FBXL17: variants seen among roughly 807,000 people sequenced by gnomAD.
The protein encoded by FBXL17 is F-box/LRR-repeat protein 17.
In FBXL17, 22 loss-of-function variants were observed where a neutral mutation model predicts 66.2. The ratio of observed to expected loss-of-function variants is 0.33; its 90% CI spans 0.24 to 0.47. The LOEUF is 0.47. Among genes scored for constraint, FBXL17 ranks in the 20% least tolerant of loss-of-function variants. The pLI, the probability that FBXL17 is intolerant of heterozygous loss-of-function variation, is 1.00. For synonymous variants in FBXL17, 474 were observed against 400.5 expected (o/e 1.18, Z -2.19); for missense variants, 878 against 948.2 (o/e 0.93, Z 0.97).
At chr5:108,012,669 T>C (rs1398611293) in intron 7 of FBXL17, among the ~76,000 whole-genome samples, 1 of 152,200 alleles carries the variant, frequency 6.6e-6, no homozygotes, top group Non-Finnish European at 1.5e-5. Flanking sequence ...ACAAATTATG[T>C]AAACCTGAAG....
rs146851576 is a variant in FBXL17 at position 108,152,554 on chromosome 5, G to C, written c.1745+33563C>G. Among the ~76,000 whole-genome samples, 412 of 152,278 alleles carry C rather than the reference G, an allele frequency of 2.7e-3. 2 individuals are homozygous for C. The highest frequency in any genetic ancestry group is 9.3e-3 in the African/African-American group (387 of 41,546). ...GCAGGATACTGGATTTAAGGATTCA[G>C]TCTGTCAGCTGATACAGCATGAAGA... is the stretch of plus-strand genomic sequence containing the variant. On this transcript the variant is annotated intron_variant, in intron 6 of 8. Coordinates refer to ENST00000542267, the MANE Select transcript of FBXL17 (RefSeq NM_001163315.3).
At chr5:107,923,516 G>C (rs1470583225) in intron 7 of FBXL17, among the ~76,000 whole-genome samples, 1 of 152,192 alleles carries the variant, frequency 6.6e-6, no homozygotes, top group Non-Finnish European at 1.5e-5. Flanking sequence ...CAATGGCCAA[G>C]AGCATCTTCT....
intron 4 of FBXL17, among the ~76,000 whole-genome samples, chr5:108,294,661 C>G (rs1237920730): frequency 1.3e-5 from 2 of 152,106 alleles, no homozygotes; most frequent in African/African-American, 4.8e-5. Context: ...CATATTCTTC[C>G]TCCATAAACC....
intron 5 of FBXL17, among the ~76,000 whole-genome samples, chr5:108,192,798 A>G (rs1437114041): frequency 6.6e-6 from 1 of 152,166 alleles, no homozygotes; most frequent in Non-Finnish European, 1.5e-5. Flanking sequence ...GCAAGAAAAG[A>G]AAGAAAGAAA....
intron 6 of FBXL17, among the ~76,000 whole-genome samples, chr5:108,036,388 A>G (rs1388522984): frequency 6.6e-6 from 1 of 152,210 alleles, no homozygotes; most frequent in Non-Finnish European, 1.5e-5. Flanking sequence ...AAACTTCTGA[A>G]TATGGATACC....
chr5:108,326,641 T>C (rs1759870181), intron 4 of FBXL17, among the ~76,000 whole-genome samples: 1 of 151,516 alleles, frequency 6.6e-6, no homozygotes, highest in South Asian at 2.1e-4. Flanking sequence ...GAAAAGACAC[T>C]TTACAAAAGA....
chr5:108,034,097 T>A (rs867807543), intron 6 of FBXL17, among the ~76,000 whole-genome samples: 1 of 152,174 alleles, frequency 6.6e-6, no homozygotes, highest in East Asian at 1.9e-4. Context: ...ATCTTCATGG[T>A]TAATTCTATT....
At chr5:108,256,591 A>G (rs1756586547) in intron 4 of FBXL17, among the ~76,000 whole-genome samples, 1 of 152,006 alleles carries the variant, frequency 6.6e-6, no homozygotes, top group South Asian at 2.1e-4. Flanking sequence ...CTTGATTTCA[A>G]GTTTTAGGCA....
intron 7 of FBXL17, among the ~76,000 whole-genome samples, chr5:107,972,426 C>T (rs1457819947): frequency 6.6e-6 from 1 of 152,142 alleles, no homozygotes; most frequent in Non-Finnish European, 1.5e-5. Flanking sequence ...TTAAGCCTCC[C>T]AACTAGGTAA....
rs548768612 is a variant in FBXL17 at position 108,218,891 on chromosome 5, G to A, written c.1614+5230C>T. 2.8e-3 allele frequency among the ~76,000 whole-genome samples: 421 copies of A among 152,182 alleles called. 2 individuals carry two copies. Among genetic ancestry groups the A allele is most frequent in the African/African-American group, 9.7e-3 (404 of 41,518 alleles). ...ATTCCATAGGTTGTCTTTTCACTCTGTTGTTTCCTCTGCTATACAGATACA... is the reference window on the plus strand; with the variant it reads ...ATTCCATAGGTTGTCTTTTCACTCTATTGTTTCCTCTGCTATACAGATACA... On this transcript the variant is annotated intron_variant, in intron 5 of 8. Transcript: ENST00000542267.
chr5:108,226,110 C>T (rs1755088767), intron 4 of FBXL17, among the ~76,000 whole-genome samples: 1 of 152,162 alleles, frequency 6.6e-6, no homozygotes, highest in Non-Finnish European at 1.5e-5. Flanking sequence ...ACACTTATCA[C>T]TACTGATCAC....
intron 4 of FBXL17, among the ~76,000 whole-genome samples, chr5:108,338,145 A>G (rs1746632446): frequency 6.6e-6 from 1 of 151,918 alleles, no homozygotes; most frequent in Non-Finnish European, 1.5e-5. Flanking sequence ...ATATTAACCT[A>G]CTAAAAAGAT....
chr5:107,890,637 C>T (rs934264988), intron 7 of FBXL17, among the ~76,000 whole-genome samples: 1 of 150,492 alleles, frequency 6.6e-6, no homozygotes, highest in Admixed American at 6.6e-5. Flanking sequence ...ACACTCCAGC[C>T]TGGGAGAAAG....
chr5:108,089,203 T>A (rs1454461641), intron 6 of FBXL17, among the ~76,000 whole-genome samples: 1 of 152,200 alleles, frequency 6.6e-6, no homozygotes, highest in Non-Finnish European at 1.5e-5. Flanking sequence ...TGCAATGGCC[T>A]TCTAACTGGT....
intron 7 of FBXL17, among the ~76,000 whole-genome samples, chr5:107,941,712 G>A (rs1456067981): frequency 6.6e-6 from 1 of 152,120 alleles, no homozygotes; most frequent in East Asian, 1.9e-4. Context: ...ACTCTTCACT[G>A]TCTTCAAGTT....
chr5:108,280,569 A>G (rs1319388188), intron 4 of FBXL17, among the ~76,000 whole-genome samples: 1 of 151,968 alleles, frequency 6.6e-6, no homozygotes, highest in Non-Finnish European at 1.5e-5. Context: ...AATGTCACCA[A>G]AACAGAATAC....
intron 6 of FBXL17, among the ~76,000 whole-genome samples, chr5:108,061,877 TAA>T (rs1365912217): frequency 3.5e-5 from 5 of 141,790 alleles, no homozygotes; most frequent in African/African-American, 7.7e-5. Flanking sequence ...TTTTTGTACT[TAA>T]AAAAAAAAAA....
chr5:108,147,392 T>G (rs1180517602), intron 6 of FBXL17, among the ~76,000 whole-genome samples: 2 of 152,106 alleles, frequency 1.3e-5, no homozygotes, highest in Non-Finnish European at 2.9e-5. Flanking sequence ...ATCAAAAGTG[T>G]AAAACATGGG....
At chr5:108,316,773 A>G (rs984877051) in intron 4 of FBXL17, among the ~76,000 whole-genome samples, 2 of 151,200 alleles carry the variant, frequency 1.3e-5, no homozygotes, top group Non-Finnish European at 3.0e-5. Flanking sequence ...ACCTTAAAAT[A>G]AATAATATAT....
Sources: gnomAD v4.1 joint callset for allele counts (sites outside exome capture counted in the v4.1 genomes callset) on GRCh38, gnomAD v4.1.1 for gene constraint, MANE v1.5 for transcripts, NCBI Gene and HGNC (gene_info 2026-07-23, HGNC 2026-07-21) for gene names.